Variants in AOAH observed in about 807,000 individuals in gnomAD.
The protein encoded by AOAH is acyloxyacyl hydrolase (neutrophil).
A neutral mutation model predicts 92.2 loss-of-function variants in AOAH; 64 were observed. That is an observed-to-expected ratio of 0.69 (90% CI 0.57 to 0.86). The LOEUF (loss-of-function observed/expected upper bound fraction) is 0.86. Ranked by LOEUF, AOAH falls within the 40% of genes least tolerant of loss-of-function variation. The probability of loss-of-function intolerance (pLI) is 0.00; values close to 1 mark genes in which losing one functional copy is unlikely to be tolerated. For missense variants in AOAH, 656 were observed against 694.6 expected, an observed-to-expected ratio of 0.94 and a Z score of 0.62; for synonymous variants, 263 against 254.5, an observed-to-expected ratio of 1.03 and a Z score of -0.32.
At chr7:36,546,960 A>G (rs965987344) in intron 15 of AOAH, among the ~76,000 whole-genome samples, 2 of 152,230 alleles carry the variant, frequency 1.3e-5, no homozygotes, top group Non-Finnish European at 2.9e-5. Flanking sequence ...GAAAGGAAAT[A>G]AGACAGTGTG....
At chr7:36,595,462 C>T (rs1008208407) in intron 11 of AOAH, among the ~76,000 whole-genome samples, 4 of 152,112 alleles carry the variant, frequency 2.6e-5, no homozygotes, top group African/African-American at 9.7e-5. Flanking sequence ...GAGCCCAGGA[C>T]GTCAAGGCTG....
chr7:36,675,422 C>A (rs371828731), intron 2 of AOAH, among the ~76,000 whole-genome samples: 1 of 152,084 alleles, frequency 6.6e-6, no homozygotes, highest in Admixed American at 6.5e-5. Flanking sequence ...CTTAGAAAGA[C>A]ACATAATGCC....
intron 6 of AOAH, among the ~76,000 whole-genome samples, chr7:36,630,401 A>G (rs1792989423): frequency 6.6e-6 from 1 of 152,210 alleles, no homozygotes; most frequent in South Asian, 2.1e-4. Flanking sequence ...TAAAAGAAGC[A>G]GGGGCTGGGG....
intron 13 of AOAH, among the ~76,000 whole-genome samples, chr7:36,566,737 C>T (rs1787741367): frequency 6.6e-6 from 1 of 152,100 alleles, no homozygotes; most frequent in South Asian, 2.1e-4. Flanking sequence ...TGGCATGTAA[C>T]TGATATATGA....
chr7:36,703,932 T>C (rs1001658860), intron 1 of AOAH, among the ~76,000 whole-genome samples: 4 of 152,178 alleles, frequency 2.6e-5, no homozygotes, highest in Non-Finnish European at 4.4e-5. Flanking sequence ...ACCAACAGTG[T>C]AAAAGCGTTC....
In AOAH at chr7:36,659,187, A is replaced by C. The variant is rs747864480; in HGVS notation, c.369T>G (p.Cys123Trp). The change falls in exon 4 of 21, where the codon TGT becomes TGG. Residue 123 changes from cysteine to tryptophan, a missense_variant. Physicochemically the swap from Cys to Trp is radical, Grantham distance 215 (BLOSUM62 -2). Transcript: ENST00000617537. ...TCACCTTGGGAAGAGGGTAGAGATG[A>C]CACAATGGTTGGCCAGTGTTCTGTT... is the stretch of plus-strand genomic sequence containing the variant. ...FCKQNTGQPL[C>W]HLYPLPKETW... 3 of 1,613,834 alleles carry C rather than the reference A, an allele frequency of 1.9e-6. No individual in the cohort carries two copies. In the South Asian group the frequency reaches 3.3e-5, roughly 18 times the overall value.
intron 1 of AOAH, among the ~76,000 whole-genome samples, chr7:36,690,917 G>A (rs1392307706): frequency 6.6e-6 from 1 of 152,178 alleles, no homozygotes; most frequent in Admixed American, 6.5e-5. Context: ...ATGTGAAACA[G>A]GCTCTTGAAA....
At chr7:36,573,400 G>A (rs747350114) in intron 13 of AOAH, among the ~76,000 whole-genome samples, 22 of 152,170 alleles carry the variant, frequency 1.4e-4, no homozygotes, top group Non-Finnish European at 2.6e-4. Flanking sequence ...CTGGATTAAA[G>A]ATGACTTCTC....
chr7:36,635,349 A>G (rs1473675527), intron 5 of AOAH, among the ~76,000 whole-genome samples: 1 of 152,208 alleles, frequency 6.6e-6, no homozygotes, highest in Non-Finnish European at 1.5e-5. Context: ...TGAATGCAGA[A>G]CAACAAACGG....
intron 6 of AOAH, among the ~76,000 whole-genome samples, chr7:36,630,301 C>A (rs1239895360): frequency 6.6e-6 from 1 of 152,230 alleles, no homozygotes; most frequent in African/African-American, 2.4e-5. Flanking sequence ...AGGTGTGCAG[C>A]CTAACTCTCA....
intron 4 of AOAH, among the ~76,000 whole-genome samples, chr7:36,655,634 A>G (rs931236787): frequency 6.6e-6 from 1 of 152,322 alleles, no homozygotes; most frequent in East Asian, 1.9e-4. Flanking sequence ...AACTATGTTC[A>G]GGATCATAAG....
intron 13 of AOAH, among the ~76,000 whole-genome samples, chr7:36,572,052 G>C (rs976726477): frequency 3.3e-5 from 5 of 152,068 alleles, no homozygotes; most frequent in African/African-American, 1.2e-4. Flanking sequence ...AAATATTTAA[G>C]GTGATGGATA....
chr7:36,535,663 C>T (rs895114319), intron 16 of AOAH, among the ~76,000 whole-genome samples: 6 of 152,186 alleles, frequency 3.9e-5, no homozygotes, highest in Non-Finnish European at 7.3e-5. Flanking sequence ...ATGCCTGTGA[C>T]TTGCCCATCC....
chr7:36,690,381 C>T (rs1797322090), intron 1 of AOAH, among the ~76,000 whole-genome samples: 2 of 152,170 alleles, frequency 1.3e-5, no homozygotes, highest in Non-Finnish European at 2.9e-5. Flanking sequence ...GAGTCCTGCT[C>T]ATTCAGCCAT....
At chr7:36,532,265 A>T in intron 17 of AOAH, 21 bp downstream of exon 17, 1 of 1,614,180 alleles carries the variant, frequency 6.2e-7, no homozygotes, top group African/African-American at 1.3e-5. Context: ...CGGGCCTTGA[A>T]GCAAGCCAGT....
At chr7:36,560,014 G>A (rs927090359) in intron 13 of AOAH, among the ~76,000 whole-genome samples, 1 of 152,008 alleles carries the variant, frequency 6.6e-6, no homozygotes, top group Non-Finnish European at 1.5e-5. Flanking sequence ...GCCAATTTTT[G>A]TTGACTTTGT....
chr7:36,586,026 A>G (rs1436483904), intron 12 of AOAH, among the ~76,000 whole-genome samples: 1 of 152,136 alleles, frequency 6.6e-6, no homozygotes, highest in Admixed American at 6.5e-5. Flanking sequence ...ACCAGGATCC[A>G]TGGTGTCTAC....
intron 2 of AOAH, among the ~76,000 whole-genome samples, chr7:36,679,529 G>A (rs1019219705): frequency 3.1e-5 from 1 of 32,498 alleles, no homozygotes; most frequent in Non-Finnish European, 6.0e-5. Context: ...TCTACCTCAA[G>A]TATAGCAGAT....
chr7:36,672,831 C>G (rs1404965178), intron 3 of AOAH, among the ~76,000 whole-genome samples: 1 of 151,666 alleles, frequency 6.6e-6, no homozygotes, highest in East Asian at 1.9e-4. Context: ...GAGTTAAAAC[C>G]AGAAAGCAAT....
Sources: gnomAD v4.1 joint callset for allele counts (sites outside exome capture counted in the v4.1 genomes callset) on GRCh38, gnomAD v4.1.1 for gene constraint, MANE v1.5 for transcripts, NCBI Gene and HGNC (gene_info 2026-07-23, HGNC 2026-07-21) for gene names.